Variants in SLC26A8 observed in about 807,000 individuals in gnomAD.
The protein encoded by SLC26A8 is testis anion transporter 1.
SLC26A8 carries 70 observed loss-of-function variants against 105.0 expected under a neutral mutation model. The observed-to-expected ratio is 0.67, with a 90% CI of 0.55 to 0.81. The LOEUF (loss-of-function observed/expected upper bound fraction) is 0.81. Ranked by LOEUF, SLC26A8 falls within the 40% of genes least tolerant of loss-of-function variation. The pLI is 0.00. For synonymous variants in SLC26A8, 415 were observed against 438.3 expected, an observed-to-expected ratio of 0.95 and a Z score of 0.66; for missense variants, 998 against 1,181.8, an observed-to-expected ratio of 0.84 and a Z score of 2.28.
chr6:36,021,977 A>C (rs1418164207), intron 1 of SLC26A8, among the ~76,000 whole-genome samples: 1 of 128,652 alleles, frequency 7.8e-6, no homozygotes, highest in East Asian at 2.4e-4. Context: ...CCTATTTTTT[A>C]TTTTTTTGGA....
At chr6:35,991,371 T>C (rs1761147061) in intron 7 of SLC26A8, among the ~76,000 whole-genome samples, 1 of 140,472 alleles carries the variant, frequency 7.1e-6, no homozygotes, top group Non-Finnish European at 1.5e-5. Context: ...ACCACTGCAC[T>C]CCATCCTGGG....
At chr6:36,024,391 C>A (rs900359628) in intron 1 of SLC26A8, 113 bp downstream of exon 1, 1 of 446,876 alleles carries the variant, frequency 2.2e-6, no homozygotes, top group African/African-American at 2.1e-5. Flanking sequence ...TGACTGAGTG[C>A]CCACGGCGTG....
chr6:35,975,816 G>A (rs1346292342), intron 9 of SLC26A8, among the ~76,000 whole-genome samples: 2 of 151,130 alleles, frequency 1.3e-5, no homozygotes, highest in Non-Finnish European at 2.9e-5. Flanking sequence ...GGGAGTCTGA[G>A]GCAGGAGAAT....
chr6:35,969,201 G>A (rs775027540), intron 10 of SLC26A8: 64 of 451,426 alleles, frequency 1.4e-4, no homozygotes, highest in Non-Finnish European at 2.5e-4. Context: ...CGTTGTCCTG[G>A]GCATTTGAAT....
chr6:35,998,142 C>T (rs190297135), intron 4 of SLC26A8, among the ~76,000 whole-genome samples: 6 of 152,248 alleles, frequency 3.9e-5, no homozygotes, highest in African/African-American at 1.4e-4. Flanking sequence ...GGTATTTAGT[C>T]TCTTTGTGTT....
At chr6:36,022,060 C>A (rs888277800) in intron 1 of SLC26A8, among the ~76,000 whole-genome samples, 1 of 152,122 alleles carries the variant, frequency 6.6e-6, no homozygotes, top group African/African-American at 2.4e-5. Context: ...CTCCACCTCC[C>A]AGGTTCAAGC....
Position 36,000,010 on chromosome 6 carries a change from A to C in SLC26A8, c.427T>G (p.Cys143Gly). ...SSVIYVIFGSCHQMSIGSFFL... is the reference protein window; with the variant it reads ...SSVIYVIFGSGHQMSIGSFFL... Reference sequence around the variant, plus strand: ...AACTCACCAATGGACATTTGATGACACGATCCAAAAATTACATAGATTACC... The same window carrying C: ...AACTCACCAATGGACATTTGATGACCCGATCCAAAAATTACATAGATTACC... Residue 143 changes from cysteine to glycine, a missense_variant, in exon 4 of 20, where the codon TGT (cysteine) becomes GGT (glycine). By Grantham distance (159) the Cys-to-Gly change is radical (BLOSUM62 -3). Transcript: ENST00000490799. 6.2e-7 allele frequency: 1 copy of C among 1,613,552 alleles called. No individual in the cohort carries two copies. Among genetic ancestry groups the C allele is most frequent in the Admixed American group, 1.7e-5 (1 of 60,012 alleles).
At chr6:35,994,868 T>C (rs1300110133) in intron 5 of SLC26A8, among the ~76,000 whole-genome samples, 7 of 152,200 alleles carry the variant, frequency 4.6e-5, no homozygotes, top group African/African-American at 7.2e-5. Context: ...TGAGCCACTG[T>C]GGCTGGCCTG....
chr6:35,976,550 CTTTTTT>C (rs371327114), intron 9 of SLC26A8, among the ~76,000 whole-genome samples: 1 of 130,182 alleles, frequency 7.7e-6, no homozygotes, highest in Non-Finnish European at 1.6e-5. Context: ...GAAGCCCTCG[CTTTTTT>C]TTTTTTTTTT....
At chr6:36,023,737 A>G (rs1387389878) in intron 1 of SLC26A8, among the ~76,000 whole-genome samples, 2 of 152,184 alleles carry the variant, frequency 1.3e-5, no homozygotes, top group Non-Finnish European at 2.9e-5. Context: ...AATTTTCAAA[A>G]TAAGCATTTG....
At position 35,992,618 on chromosome 6, in the gene SLC26A8, T is replaced by C. The variant is rs758703710; in HGVS notation, c.684A>G (p.Ala228=). The change falls in exon 6 of 20, where the codon GCA becomes GCG. Residue 228 remains alanine (A), a synonymous_variant. Coordinates refer to ENST00000490799, the MANE Select transcript of SLC26A8 (RefSeq NM_052961.4). ...GFIATYLPES[A]MSAYLAAVAL... Reference sequence around the variant, plus strand: ...CCACAGCAGCCAGGTAAGCACTCATTGCAGACTCCGGAAGGTAAGTGGCAA... The same window carrying C: ...CCACAGCAGCCAGGTAAGCACTCATCGCAGACTCCGGAAGGTAAGTGGCAA... 1.2e-6 allele frequency: 2 copies of C among 1,614,076 alleles called. No individual in the cohort carries two copies. Among genetic ancestry groups the C allele is most frequent in the East Asian group, 4.5e-5 (2 of 44,868 alleles).
intron 13 of SLC26A8, 33 bp downstream of exon 13, chr6:35,960,960 C>T (rs937205971): frequency 6.2e-7 from 1 of 1,613,856 alleles, no homozygotes. Context: ...CTTACCTTGC[C>T]TTGTTAACCT....
At chr6:35,964,968 A>T (rs539643261) in intron 11 of SLC26A8, among the ~76,000 whole-genome samples, 1 of 148,628 alleles carries the variant, frequency 6.7e-6, no homozygotes, top group South Asian at 2.1e-4. Flanking sequence ...CCATGTCTCA[A>T]AAAAAAAAAA....
intron 19 of SLC26A8, among the ~76,000 whole-genome samples, chr6:35,947,998 T>C (rs1162371470): frequency 1.3e-5 from 2 of 152,146 alleles, no homozygotes; most frequent in Non-Finnish European, 2.9e-5. Flanking sequence ...TCACAAAACC[T>C]TACTATGAAT....
chr6:35,988,025 C>G (rs138450894), intron 7 of SLC26A8, among the ~76,000 whole-genome samples: 1,875 of 151,148 alleles, frequency 0.012, 43 homozygotes, highest in African/African-American at 0.043. Context: ...ATTCTCCTGC[C>G]TTAGCCTCTG....
chr6:35,994,763 G>A (rs1761301941), intron 5 of SLC26A8, among the ~76,000 whole-genome samples: 1 of 152,092 alleles, frequency 6.6e-6, no homozygotes, highest in Admixed American at 6.5e-5. Context: ...TTTAAGTAGA[G>A]ACAGGGTTTC....
rs184058617 is a variant in SLC26A8, at chr6:35,965,597, G to C, written c.1366-2976C>G. On this transcript the variant is annotated intron_variant, in intron 11 of 19. Transcript: ENST00000490799. ...CTTGGGAGGCTGAGGCAGGAGAATC[G>C]CTTGAACCTGGGAGGCGGAGGTTGC... Among the ~76,000 whole-genome samples, 223 of 150,610 alleles carry C rather than the reference G, an allele frequency of 1.5e-3. 4 individuals carry two copies. In the South Asian group the frequency reaches 0.025, roughly 17 times the overall value.
chr6:35,959,918 A>AT (rs567164156), intron 14 of SLC26A8, 112 bp from the exon 15 acceptor site: 77 of 893,046 alleles, frequency 8.6e-5, no homozygotes, highest in African/African-American at 2.2e-4. Context: ...TTATTTTTTT[A>AT]TTTTTTTTGA....
intron 4 of SLC26A8, among the ~76,000 whole-genome samples, chr6:35,998,812 A>G (rs1475647384): frequency 6.6e-6 from 1 of 152,226 alleles, no homozygotes; most frequent in Admixed American, 6.5e-5. Flanking sequence ...AAATATAGGA[A>G]TAAAATTGTT....
Sources: allele counts gnomAD v4.1 joint callset (sites outside exome capture counted in the v4.1 genomes callset), GRCh38; gene constraint gnomAD v4.1.1; transcripts MANE v1.5; gene names NCBI Gene and HGNC (gene_info 2026-07-23, HGNC 2026-07-21).